Variants in RYR3 observed in about 807,000 individuals in gnomAD.
The protein encoded by RYR3 is ryanodine receptor 3.
Under a neutral mutation model 584.3 loss-of-function variants are expected in RYR3, and 207 were observed. The ratio of observed to expected loss-of-function variants is 0.35; its 90% CI spans 0.32 to 0.40. RYR3 has a LOEUF of 0.40. RYR3 is among the 10% of genes least tolerant of loss of function. The probability of loss-of-function intolerance (pLI) is 1.00; values close to 1 mark genes in which losing one functional copy is unlikely to be tolerated. For synonymous variants in RYR3, 2,416 were observed against 2,248.5 expected, an observed-to-expected ratio of 1.07 and a Z score of -2.11; for missense variants, 5,616 against 6,089.2, an observed-to-expected ratio of 0.92 and a Z score of 2.59.
Position 33,755,156 on chromosome 15 carries a change from G to T in RYR3, c.8491G>T (p.Ala2831Ser). The T allele has an allele frequency of 3.7e-6, 6 of 1,609,576 alleles. No individual in the cohort carries two copies. The highest frequency in any genetic ancestry group is 1.1e-5 in the South Asian group (1 of 90,588). The part of the protein sequence containing the change: ...LKKILKYVDS[A>S]QEFIAHLEAI... ...GAAGATCCTGAAATACGTTGATTCT[G>T]CTCAAGAATTTATTGCCCATTTAGG... Residue 2831 changes from alanine to serine, a missense_variant, in exon 58 of 104, where the codon GCT (alanine) becomes TCT (serine). By Grantham distance (99) the Ala-to-Ser change is moderately conservative (BLOSUM62 1). Around this residue, in one of 9 missense-constraint regions of RYR3, gnomAD observed 1,280 missense variants for 1,426.2 expected, o/e 0.90. Coordinates refer to ENST00000634891, the MANE Select transcript of RYR3 (RefSeq NM_001036.6).
chr15:33,645,059 A>G (rs745988723), intron 28 of RYR3, among the ~76,000 whole-genome samples: 2 of 152,004 alleles, frequency 1.3e-5, no homozygotes, highest in Non-Finnish European at 2.9e-5. Flanking sequence ...TTCCATACCT[A>G]TATTCAAGAT....
chr15:33,451,655 G>C (rs1249711559), intron 1 of RYR3, among the ~76,000 whole-genome samples: 1 of 152,204 alleles, frequency 6.6e-6, no homozygotes, highest in Non-Finnish European at 1.5e-5. Flanking sequence ...GCCTAGTCCA[G>C]TGCAGACAGG....
chr15:33,563,792 G>A (rs2057546153), intron 11 of RYR3, among the ~76,000 whole-genome samples: 1 of 152,110 alleles, frequency 6.6e-6, no homozygotes, highest in Non-Finnish European at 1.5e-5. Context: ...AGGATGTTGA[G>A]AATGAACATA....
chr15:33,726,344 G>A (rs1365280487), intron 45 of RYR3, 42 bp from the exon 46 acceptor site: 2 of 1,608,492 alleles, frequency 1.2e-6, no homozygotes, highest in East Asian at 2.2e-5. Flanking sequence ...GGAGGTGTGG[G>A]AACCTCACTT....
chr15:33,480,327 TC>T (rs2049845137), intron 2 of RYR3, among the ~76,000 whole-genome samples: 1 of 152,198 alleles, frequency 6.6e-6, no homozygotes, highest in Non-Finnish European at 1.5e-5. Flanking sequence ...ACTGTACCCA[TC>T]TCATAGGATT....
At chr15:33,484,268 C>T (rs972528147) in intron 2 of RYR3, among the ~76,000 whole-genome samples, 3 of 141,696 alleles carry the variant, frequency 2.1e-5, no homozygotes, top group Middle Eastern at 7.2e-3. Context: ...ATAAGAGACA[C>T]AAGCATGTTT....
rs2065976818 is a variant in RYR3 at position 33,697,967 on chromosome 15, G to A, written c.6220G>A (p.Val2074Met). 6.2e-7 allele frequency: 1 copy of A among 1,613,512 alleles called. No individual in the cohort carries two copies. Among genetic ancestry groups the A allele is most frequent in the Non-Finnish European group, 8.5e-7 (1 of 1,179,440 alleles). Residue 2074 changes from valine (V) to methionine (M), a missense_variant, in exon 40 of 104, where the codon GTG (valine) becomes ATG (methionine). Physicochemically the swap from Val to Met is conservative, Grantham distance 21. Coordinates refer to ENST00000634891, the MANE Select transcript of RYR3 (RefSeq NM_001036.6). Reference protein sequence around the residue: ...GMHETVMEVMVNVLGTEKSQI... With the variant: ...GMHETVMEVMMNVLGTEKSQI... The stretch of plus-strand genomic sequence containing the variant: ...GCACGAGACGGTGATGGAGGTGATG[G>A]TGAACGTGTTGGGTACAGAGAAATC...
intron 10 of RYR3, among the ~76,000 whole-genome samples, chr15:33,560,189 C>T (rs2057324900): frequency 6.6e-6 from 1 of 152,190 alleles, no homozygotes; most frequent in Non-Finnish European, 1.5e-5. Flanking sequence ...TCAAGCCTCT[C>T]TATCACCGAG....
At chr15:33,550,365 C>CA (rs1331872918) in intron 10 of RYR3, 49 bp downstream of exon 10, 3 of 1,538,504 alleles carry the variant, frequency 1.9e-6, no homozygotes, top group Non-Finnish European at 2.6e-6. Flanking sequence ...AGTGAAAACT[C>CA]AGAAACCTCC....
At chr15:33,768,105 A>G (rs575812483) in intron 60 of RYR3, among the ~76,000 whole-genome samples, 2 of 152,296 alleles carry the variant, frequency 1.3e-5, no homozygotes, top group East Asian at 3.9e-4. Flanking sequence ...AGGCCTGGAG[A>G]CTAACTGGAG....
At chr15:33,349,769 A>G (rs1455500369) in intron 1 of RYR3, among the ~76,000 whole-genome samples, 1 of 109,438 alleles carries the variant, frequency 9.1e-6, no homozygotes, top group Non-Finnish European at 1.7e-5. Flanking sequence ...AACAGTCCCC[A>G]GAGTGTGATG....
At chr15:33,483,594 T>A (rs2050162070) in intron 2 of RYR3, among the ~76,000 whole-genome samples, 1 of 152,188 alleles carries the variant, frequency 6.6e-6, no homozygotes, top group African/African-American at 2.4e-5. Context: ...AAGCCTGCAG[T>A]ATTTTCTAAA....
At chr15:33,392,380 A>G (rs1002676230) in intron 1 of RYR3, among the ~76,000 whole-genome samples, 3 of 151,582 alleles carry the variant, frequency 2.0e-5, no homozygotes, top group African/African-American at 7.3e-5. Flanking sequence ...TTTATTTGGA[A>G]GGATTCCAGG....
chr15:33,846,395 A>C (rs1336922101), intron 93 of RYR3, among the ~76,000 whole-genome samples: 2 of 152,206 alleles, frequency 1.3e-5, no homozygotes, highest in African/African-American at 4.8e-5. Flanking sequence ...CCATATTCAC[A>C]ACCACTACAG....
chr15:33,334,619 T>C (rs548553509), intron 1 of RYR3, among the ~76,000 whole-genome samples: 1 of 152,282 alleles, frequency 6.6e-6, no homozygotes, highest in Admixed American at 6.5e-5. Context: ...GAAATAGGCA[T>C]AGGCAAAAAT....
At position 33,773,457 on chromosome 15, in the gene RYR3, AT is replaced by A. The variant is rs3086242; in HGVS notation, c.9056-67del. On this transcript the variant is annotated intron_variant, in intron 63 of 103. Coordinates refer to ENST00000634891, the MANE Select transcript of RYR3 (RefSeq NM_001036.6). ...TTTTACTCTTTACTGATGCTCATGC[AT>A]TTTTTTTTTCCTCTTCATGGATCCT... is the stretch of plus-strand genomic sequence containing the variant. 1,766 of 901,862 alleles carry A rather than the reference AT, an allele frequency of 2.0e-3. 1 individual carries two copies. Among genetic ancestry groups the A allele is most frequent in the African/African-American group, 5.7e-3 (336 of 59,464 alleles). The allele number at this position is 901,862 out of a possible 1,614,324, so 55.9% of individuals were successfully genotyped here. A position where few individuals can be genotyped will look rare whatever the true frequency, so the allele number is the denominator to read the frequency against.
At chr15:33,400,083 A>G (rs1212955430) in intron 1 of RYR3, among the ~76,000 whole-genome samples, 1 of 152,082 alleles carries the variant, frequency 6.6e-6, no homozygotes, top group African/African-American at 2.4e-5. Context: ...TTCTTATCTC[A>G]TGGATAAATT....
chr15:33,343,497 C>G (rs1442124487), intron 1 of RYR3, among the ~76,000 whole-genome samples: 2 of 152,072 alleles, frequency 1.3e-5, no homozygotes, highest in Non-Finnish European at 2.9e-5. Flanking sequence ...CCTCCCATCC[C>G]CCGCAGTTTG....
At chr15:33,313,848 G>T (rs1230181531) in intron 1 of RYR3, among the ~76,000 whole-genome samples, 1 of 152,200 alleles carries the variant, frequency 6.6e-6, no homozygotes, top group African/African-American at 2.4e-5. Context: ...ATAGCATTAT[G>T]CCAAGGATCC....
Sources: allele counts gnomAD v4.1 joint callset (sites outside exome capture counted in the v4.1 genomes callset), GRCh38; gene constraint gnomAD v4.1.1; regional missense constraint gnomAD v4.1.1; transcripts MANE v1.5; gene names NCBI Gene and HGNC (gene_info 2026-07-23, HGNC 2026-07-21).